Variants in MTRF1 observed in about 807,000 individuals in gnomAD.
MTRF1 encodes mitochondrial translation release factor 1, also known as peptide chain release factor 1, mitochondrial.
A neutral mutation model predicts 62.9 loss-of-function variants in MTRF1; 51 were observed. The observed-to-expected ratio is 0.81, with a 90% CI of 0.65 to 1.02. MTRF1 has a LOEUF of 1.02. Ranked by LOEUF, MTRF1 falls within the 50% of genes least tolerant of loss-of-function variation. The pLI, the probability that MTRF1 is intolerant of heterozygous loss-of-function variation, is 0.00. For synonymous variants in MTRF1, 158 were observed against 181.9 expected, an observed-to-expected ratio of 0.87 and a Z score of 1.06; for missense variants, 446 against 530.0, an observed-to-expected ratio of 0.84 and a Z score of 1.56.
the MTRF1 span, among the ~76,000 whole-genome samples, chr13:41,283,500 C>T: frequency 1.3e-5 from 2 of 151,378 alleles, no homozygotes; most frequent in Non-Finnish European, 2.9e-5. Flanking sequence ...CTCCAGTTTA[C>T]ATTCCACATA....
intron 5 of MTRF1, among the ~76,000 whole-genome samples, chr13:41,248,011 T>A (rs2038506609): frequency 1.3e-5 from 2 of 152,142 alleles, no homozygotes; most frequent in South Asian, 4.1e-4. Context: ...AAGTTCTGAT[T>A]ATTTTCTTTT....
At position 41,247,605 on chromosome 13, in the gene MTRF1, A is replaced by T. The variant is rs78473679; in HGVS notation, c.697+5040T>A. Among the ~76,000 whole-genome samples the T allele has an allele frequency of 6.8e-3, 1,040 of 152,242 alleles. 12 individuals carry two copies. The highest frequency in any genetic ancestry group is 0.023 in the African/African-American group (975 of 41,528). On this transcript the variant is annotated intron_variant, in intron 5 of 9. Coordinates refer to ENST00000379480, the MANE Select transcript of MTRF1 (RefSeq NM_004294.4). The stretch of plus-strand genomic sequence containing the variant: ...GGGAATCACCACTCCTGCATTTTTC[A>T]GGTCCTTGGTGGTAGCACTAATCTC...
rs752617527 is a variant in MTRF1 at position 41,240,310 on chromosome 13, C to T, written c.821G>A (p.Arg274His). ...PEVGLSSRMQ[R>H]IHTGTMSVIV... ...AACCGACATCGTTCCTGTGTGAATG[C>T]GCTGCATCCTTGAGGACAGGCCCAC... The change falls in exon 6 of 10, where the codon CGC (arginine) becomes CAC (histidine). Residue 274 changes from arginine to histidine, a missense_variant. Coordinates refer to ENST00000379480, the MANE Select transcript of MTRF1 (RefSeq NM_004294.4). 1.6e-5 allele frequency: 25 copies of T among 1,612,752 alleles called. No homozygotes were observed. The highest frequency in any genetic ancestry group is 4.5e-5 in the East Asian group (2 of 44,814).
chr13:41,244,850 A>G (rs1301309354), intron 5 of MTRF1, among the ~76,000 whole-genome samples: 2 of 152,166 alleles, frequency 1.3e-5, no homozygotes, highest in Admixed American at 6.5e-5. Context: ...ACCCTGTGCC[A>G]CTCAAAAAAG....
chr13:41,251,013 G>A (rs1242683842), intron 5 of MTRF1, among the ~76,000 whole-genome samples: 1 of 152,118 alleles, frequency 6.6e-6, no homozygotes, highest in African/African-American at 2.4e-5. Flanking sequence ...TGTAATCCCA[G>A]GATTGCCATT....
chr13:41,255,082 G>C (rs930755775), intron 2 of MTRF1, among the ~76,000 whole-genome samples: 4 of 152,164 alleles, frequency 2.6e-5, no homozygotes, highest in African/African-American at 9.7e-5. Flanking sequence ...AGCATTTCCT[G>C]TCCAAAGGTA....
At chr13:41,254,835 T>A (rs2039506205) in intron 2 of MTRF1, among the ~76,000 whole-genome samples, 1 of 152,030 alleles carries the variant, frequency 6.6e-6, no homozygotes, top group Non-Finnish European at 1.5e-5. Flanking sequence ...ATAATCGTGC[T>A]TCCCAAAACC....
intron 6 of MTRF1, 44 bp downstream of exon 6, chr13:41,240,217 C>A: frequency 1.3e-6 from 2 of 1,538,918 alleles, no homozygotes; most frequent in Non-Finnish European, 1.8e-6. Context: ...AGCACAATAC[C>A]CGTTGACATG....
intron 8 of MTRF1, among the ~76,000 whole-genome samples, chr13:41,224,557 T>C (rs1470460187): frequency 6.6e-6 from 1 of 152,188 alleles, no homozygotes; most frequent in Non-Finnish European, 1.5e-5. Context: ...GATCATCTCT[T>C]CTGACAATCA....
chr13:41,233,740 A>G, intron 7 of MTRF1, 150 bp downstream of exon 7: 1 of 660,164 alleles, frequency 1.5e-6, no homozygotes, highest in Non-Finnish European at 2.7e-6. Context: ...GAAGGGAAAT[A>G]TGAACACAAT....
chr13:41,311,385 C>G, the MTRF1 span: 1 of 731,836 alleles, frequency 1.4e-6, no homozygotes, highest in South Asian at 1.8e-5. Flanking sequence ...CCAGGCTGCC[C>G]AATTGCAACT....
the MTRF1 span, chr13:41,311,618 C>T: frequency 4.4e-6 from 7 of 1,585,364 alleles, no homozygotes; most frequent in African/African-American, 4.0e-5. Flanking sequence ...GCCCCCCGGT[C>T]CCCGGGTCCT....
chr13:41,286,969 C>T, the MTRF1 span, among the ~76,000 whole-genome samples: 2 of 152,204 alleles, frequency 1.3e-5, no homozygotes, highest in African/African-American at 2.4e-5. Flanking sequence ...AAAATGTCTG[C>T]ATTTCCTATT....
chr13:41,272,998 G>A, the MTRF1 span, among the ~76,000 whole-genome samples: 1 of 152,130 alleles, frequency 6.6e-6, no homozygotes, highest in East Asian at 1.9e-4. Context: ...AGCTCATGCT[G>A]TTACCAAGCA....
At chr13:41,261,805 G>T in intron 1 of MTRF1, 1 of 985,150 alleles carries the variant, frequency 1.0e-6, no homozygotes, top group Non-Finnish European at 1.2e-6. Context: ...TTTCAAAAAT[G>T]CTTCCCGTTT....
the MTRF1 span, chr13:41,311,448 G>T: frequency 7.2e-7 from 1 of 1,394,048 alleles, no homozygotes; most frequent in Non-Finnish European, 9.9e-7. Context: ...GCAGCGGTTC[G>T]TCCCGGTGCC....
intron 9 of MTRF1, among the ~76,000 whole-genome samples, chr13:41,218,602 T>C (rs2032469158): frequency 6.6e-6 from 1 of 152,234 alleles, no homozygotes. Context: ...TCAAGAACTT[T>C]TCCTGTATAA....
In MTRF1 at chr13:41,233,898, A is replaced by C. The variant is rs771845467; in HGVS notation, c.980T>G (p.Ile327Ser). 1.2e-6 allele frequency: 2 copies of C among 1,612,038 alleles called. No homozygotes were observed. Among genetic ancestry groups the C allele is most frequent in the Non-Finnish European group, 1.7e-6 (2 of 1,178,070 alleles). Residue 327 changes from isoleucine to serine, a missense_variant, in exon 7 of 10, where the codon ATC (isoleucine) becomes AGC (serine). Transcript: ENST00000379480. ...KTDSAVRLVH[I>S]PTGLVVECQQ... The stretch of plus-strand genomic sequence containing the variant: ...CCAAGGGGCTTGCTTACCTGTGGGG[A>C]TGTGGACAAGTCTGACGGCACTATC...
At chr13:41,262,487 C>A (rs2040580130) in intron 1 of MTRF1, 2 of 151,906 alleles carry the variant, frequency 1.3e-5, no homozygotes. Context: ...CTTTCCTAAT[C>A]ATAAAAAAAG....
Sources: allele counts gnomAD v4.1 joint callset (sites outside exome capture counted in the v4.1 genomes callset), GRCh38; gene constraint gnomAD v4.1.1; transcripts MANE v1.5; gene names NCBI Gene and HGNC (gene_info 2026-07-23, HGNC 2026-07-21).